The following ATP6V1B1 variants were observed in gnomAD, a reference collection of about 807,000 sequenced individuals.
ATP6V1B1 encodes the protein V-type proton ATPase subunit B, kidney isoform.
ATP6V1B1 carries 41 observed loss-of-function variants against 62.1 expected under a neutral mutation model. The observed-to-expected ratio is 0.66, with a 90% confidence interval of 0.51 to 0.86. ATP6V1B1 has a LOEUF of 0.86. Ranked by LOEUF, ATP6V1B1 falls within the 40% of genes least tolerant of loss-of-function variation. The pLI is 0.00. For synonymous variants in ATP6V1B1, 253 were observed against 273.4 expected (o/e 0.93, Z 0.74); for missense variants, 651 against 697.5 (o/e 0.93, Z 0.75).
chr2:70,944,254 G>A, intron 2 of ATP6V1B1: 1 of 1,284,242 alleles, frequency 7.8e-7, no homozygotes, highest in Non-Finnish European at 1.0e-6. Flanking sequence ...CCCCACCAAA[G>A]GTAAGTGGGC....
At chr2:70,964,690 C>G (rs1680676311) in intron 12 of ATP6V1B1, 46 bp from the exon 13 acceptor site, 1 of 1,612,828 alleles carries the variant, frequency 6.2e-7, no homozygotes, top group Non-Finnish European at 8.5e-7. Flanking sequence ...TACTGGACTC[C>G]CGTGGTAAGC....
Position 70,965,077 on chromosome 2 carries a change from C to T in ATP6V1B1, c.1498C>T (p.Arg500Cys). 6.2e-7 allele frequency: 1 copy of T among 1,612,962 alleles called. No homozygotes were observed. The highest frequency in any genetic ancestry group is 8.5e-7 in the Non-Finnish European group (1 of 1,180,038). The change falls in exon 14 of 14, where the codon CGC becomes TGC. Residue 500 changes from arginine to cysteine, a missense_variant. Coordinates refer to ENST00000234396, the MANE Select transcript of ATP6V1B1 (RefSeq NM_001692.4). The part of the protein sequence containing the change: ...PQAVIDEFYS[R>C]EGALQDLAPD... ...GGCCGTGATCGACGAGTTCTATTCC[C>T]GCGAGGGGGCGCTGCAGGACCTCGC...
In ATP6V1B1 at chr2:70,959,905, C is replaced by A. The variant is rs782800648; in HGVS notation, c.446-34C>A. On this transcript the variant is annotated intron_variant, in intron 5 of 13. Transcript: ENST00000234396. This position sits in a 1 kb window ranked among gnomAD's most constrained non-coding sequence, Gnocchi z 4.2. ...GAGGAGAGCAGGGAAGGGTTTGAAC[C>A]CCTGAGCATGGCTCTGTGATCGCCC... 1.9e-6 allele frequency: 3 copies of A among 1,614,070 alleles called. No homozygotes were observed. The highest frequency in any genetic ancestry group is 1.1e-5 in the South Asian group (1 of 91,084).
In ATP6V1B1 at chr2:70,957,306, C is replaced by A. The variant is rs181139218; in HGVS notation, c.175-740C>A. Among the ~76,000 whole-genome samples the A allele has an allele frequency of 2.1e-3, 315 of 151,626 alleles. 4 individuals carry two copies. Among genetic ancestry groups the A allele is most frequent in the Non-Finnish European group, 2.0e-3 (134 of 67,948 alleles). ...GTAGAAACGGGGTTTCACCATGTTG[C>A]CCAGGCTGGTCTCAAACTCCTGATC... On this transcript the variant is annotated intron_variant, in intron 2 of 13. Transcript: ENST00000234396.
At chr2:70,941,496 G>C (rs974627187) in intron 1 of ATP6V1B1, 1 of 972,706 alleles carries the variant, frequency 1.0e-6, no homozygotes, top group Non-Finnish European at 1.2e-6. Context: ...CCCATAAGAT[G>C]CTTCCTCCAA....
At chr2:70,944,525 C>G (rs1271467611) in intron 2 of ATP6V1B1, among the ~76,000 whole-genome samples, 1 of 152,130 alleles carries the variant, frequency 6.6e-6, no homozygotes, top group Non-Finnish European at 1.5e-5. Flanking sequence ...CCCTCCCACC[C>G]CACTGCTACC....
chr2:70,936,250 C>G (rs1454897057), intron 1 of ATP6V1B1, among the ~76,000 whole-genome samples, 178 bp downstream of exon 1: 1 of 152,102 alleles, frequency 6.6e-6, no homozygotes, highest in Non-Finnish European at 1.5e-5. Context: ...CAGAGGCCAC[C>G]TCTGCAGGTG....
chr2:70,940,793 G>C (rs554720854), intron 1 of ATP6V1B1: 753 of 985,472 alleles, frequency 7.6e-4, no homozygotes, highest in Non-Finnish European at 8.7e-4. Flanking sequence ...TCGGGAGGGG[G>C]CACACAATGG....
intron 2 of ATP6V1B1, 148 bp downstream of exon 2, chr2:70,943,861 C>A: frequency 1.5e-6 from 2 of 1,294,558 alleles, no homozygotes; most frequent in Non-Finnish European, 2.1e-6. Context: ...CACTCCCACT[C>A]TCCTTCCCTA....
Position 70,965,243 on chromosome 2 carries a change from G to A in ATP6V1B1, c.*122G>A. On this transcript the variant is annotated 3_prime_UTR_variant, in exon 14 of 14. Transcript: ENST00000234396. ...CCCTCCGCCCTCCGCTGGCTCCGAG[G>A]TGGTGGGGGCGCCGCACGCTCCATC... 1 of 1,408,814 alleles carries A rather than the reference G, an allele frequency of 7.1e-7. No homozygotes were observed. Among genetic ancestry groups the A allele is most frequent in the Admixed American group, 1.9e-5 (1 of 52,150 alleles). 87.3% of individuals were successfully genotyped at this position (1,408,814 alleles called of 1,614,324 possible).
chr2:70,943,806 C>T, intron 2 of ATP6V1B1, 93 bp downstream of exon 2: 1 of 1,522,812 alleles, frequency 6.6e-7, no homozygotes, highest in Non-Finnish European at 9.0e-7. Context: ...TACCCTTTCC[C>T]TCCATGGCCC....
At chr2:70,964,335 G>C (rs1398842522) in intron 11 of ATP6V1B1, 103 bp from the exon 12 acceptor site, 1 of 1,243,416 alleles carries the variant, frequency 8.0e-7, no homozygotes, top group Non-Finnish European at 1.2e-6. Context: ...TTGACCCCTC[G>C]GAATGTAGGA....
In ATP6V1B1 at chr2:70,965,282, C is replaced by G. The variant is rs1680699240; in HGVS notation, c.*161C>G. On this transcript the variant is annotated 3_prime_UTR_variant, in exon 14 of 14. Coordinates refer to ENST00000234396, the MANE Select transcript of ATP6V1B1 (RefSeq NM_001692.4). ...GCACGCTCCATCCCTTTCCCTCGCT[C>G]GATTCCTTTTCCCGCGCTCCATGCC... is the stretch of plus-strand genomic sequence containing the variant. 11 of 1,046,482 alleles carry G rather than the reference C, an allele frequency of 1.1e-5. No individual in the cohort carries two copies. The highest frequency in any genetic ancestry group is 7.9e-5 in the South Asian group (5 of 63,450). 64.8% of individuals were successfully genotyped at this position (1,046,482 alleles called of 1,614,324 possible). A position where few individuals can be genotyped will look rare whatever the true frequency, so the allele number is the denominator to read the frequency against.
chr2:70,961,051 CT>C (rs1370364322), intron 7 of ATP6V1B1, 29 bp downstream of exon 7: 2 of 1,554,804 alleles, frequency 1.3e-6, no homozygotes. Flanking sequence ...CTGGCAAGTT[CT>C]GGAGGCTGTG....
At chr2:70,949,754 A>G (rs1680275698) in intron 2 of ATP6V1B1, among the ~76,000 whole-genome samples, 1 of 152,316 alleles carries the variant, frequency 6.6e-6, no homozygotes, top group South Asian at 2.1e-4. Context: ...AGTTGTGCAT[A>G]CGGGAGCTCC....
At chr2:70,958,622 C>T (rs1393703628) in intron 4 of ATP6V1B1, among the ~76,000 whole-genome samples, 196 bp downstream of exon 4, 1 of 152,140 alleles carries the variant, frequency 6.6e-6, no homozygotes, top group Non-Finnish European at 1.5e-5. Flanking sequence ...TACAGGTGTT[C>T]AATAAATGAG....
At chr2:70,953,398 A>G (rs186952958) in intron 2 of ATP6V1B1, among the ~76,000 whole-genome samples, 1 of 152,204 alleles carries the variant, frequency 6.6e-6, no homozygotes, top group East Asian at 1.9e-4. Context: ...TTTTTTCAAA[A>G]TGTTTTTAGG....
chr2:70,942,858 T>A (rs1331552154), intron 1 of ATP6V1B1, among the ~76,000 whole-genome samples: 1 of 152,212 alleles, frequency 6.6e-6, no homozygotes. Context: ...GTCAGGACTA[T>A]GGGCAAGGGA....
intron 7 of ATP6V1B1, 105 bp downstream of exon 7, chr2:70,961,127 C>G: frequency 8.0e-7 from 1 of 1,246,102 alleles, no homozygotes; most frequent in Non-Finnish European, 1.1e-6. Flanking sequence ...CATCAGTGTC[C>G]CGGCCAGCCA....
Sources: gnomAD v4.1 joint callset for allele counts (sites outside exome capture counted in the v4.1 genomes callset) on GRCh38, gnomAD v4.1.1 for gene constraint, Gnocchi (gnomAD v3.1) non-coding constraint, MANE v1.5 for transcripts, NCBI Gene and HGNC (gene_info 2026-07-23, HGNC 2026-07-21) for gene names.